Variants in GLDC observed in about 807,000 individuals in gnomAD.
GLDC encodes glycine decarboxylase, also known as glycine dehydrogenase (decarboxylating), mitochondrial.
A neutral mutation model predicts 121.3 loss-of-function variants in GLDC; 104 were observed. The observed-to-expected ratio is 0.86, with a 90% confidence interval of 0.73 to 1.01. The LOEUF is 1.01. Among genes scored for constraint, GLDC ranks in the 50% least tolerant of loss-of-function variants. The probability of loss-of-function intolerance (pLI) is 0.00; values close to 1 mark genes in which losing one functional copy is unlikely to be tolerated. For synonymous variants in GLDC, 546 were observed against 480.6 expected, an observed-to-expected ratio of 1.14 and a Z score of -1.78; for missense variants, 1,429 against 1,306.6, an observed-to-expected ratio of 1.09 and a Z score of -1.44.
At chr9:6,573,705 G>T (rs1391583665) in intron 15 of GLDC, among the ~76,000 whole-genome samples, 1 of 152,136 alleles carries the variant, frequency 6.6e-6, no homozygotes, top group Admixed American at 6.5e-5. Context: ...CAAAAACGAT[G>T]CAAGTGAAAC....
chr9:6,533,530 CTA>C (rs1817045354), intron 24 of GLDC, among the ~76,000 whole-genome samples: 1 of 151,864 alleles, frequency 6.6e-6, no homozygotes. Context: ...AATTTATTTG[CTA>C]TGTCATTTTC....
chr9:6,600,229 G>C (rs568888671), intron 8 of GLDC, among the ~76,000 whole-genome samples: 2 of 152,074 alleles, frequency 1.3e-5, no homozygotes, highest in East Asian at 1.9e-4. Context: ...TTAGCTGGGC[G>C]TGGTGGAATG....
intron 21 of GLDC, among the ~76,000 whole-genome samples, chr9:6,548,479 T>C (rs2129696459): frequency 6.6e-6 from 1 of 152,362 alleles, no homozygotes; most frequent in East Asian, 1.9e-4. Context: ...AACTGTGTTT[T>C]CTGCTCTCTG....
At chr9:6,622,626 C>T (rs1017197045) in intron 2 of GLDC, among the ~76,000 whole-genome samples, 2 of 152,180 alleles carry the variant, frequency 1.3e-5, no homozygotes, top group African/African-American at 4.8e-5. Context: ...CCTTGGCCTC[C>T]CAAAGTGCCG....
intron 21 of GLDC, among the ~76,000 whole-genome samples, chr9:6,544,931 C>T (rs1277997668): frequency 3.3e-5 from 5 of 152,024 alleles, no homozygotes; most frequent in Non-Finnish European, 5.9e-5. Flanking sequence ...GAAACACTGT[C>T]TCTACTAAAA....
intron 22 of GLDC, among the ~76,000 whole-genome samples, chr9:6,538,863 C>G (rs1227091387): frequency 1.3e-5 from 2 of 152,156 alleles, no homozygotes; most frequent in African/African-American, 2.4e-5. Flanking sequence ...TGTCAGGTTA[C>G]AAGAGTTGCC....
chr9:6,565,760 A>G, intron 15 of GLDC: 1 of 548,452 alleles, frequency 1.8e-6, no homozygotes, highest in Non-Finnish European at 3.2e-6. Context: ...TACAGTGAAG[A>G]ACAAAAGGAA....
At position 6,558,546 on chromosome 9, in the gene GLDC, A is replaced by G. The variant is rs750697458; in HGVS notation, c.2052+13T>C. 6 of 1,614,116 alleles carry G rather than the reference A, an allele frequency of 3.7e-6. No individual in the cohort carries two copies. The highest frequency in any genetic ancestry group is 4.2e-6 in the Non-Finnish European group (5 of 1,179,978). ...TCCCGGCCTCTCCCATCTGCTAAGG[A>G]GAAGACAAGTACCATGGCCTTGAGG... On this transcript the variant is annotated intron_variant, in intron 17 of 24. Coordinates refer to ENST00000321612, the MANE Select transcript of GLDC (RefSeq NM_000170.3).
intron 3 of GLDC, among the ~76,000 whole-genome samples, chr9:6,618,928 G>A (rs897708988): frequency 2.0e-5 from 3 of 152,014 alleles, no homozygotes; most frequent in East Asian, 2.0e-4. Context: ...TGGATCATGA[G>A]GTCAGGAGTT....
intron 21 of GLDC, among the ~76,000 whole-genome samples, chr9:6,549,714 A>G (rs902850380): frequency 4.0e-5 from 6 of 151,732 alleles, no homozygotes; most frequent in African/African-American, 1.5e-4. Flanking sequence ...TCCCCTGCCT[A>G]TTATTCCCTC....
intron 2 of GLDC, among the ~76,000 whole-genome samples, chr9:6,622,146 CCA>C (rs1172687199): frequency 8.5e-6 from 1 of 117,572 alleles, no homozygotes; most frequent in Middle Eastern, 3.6e-3. Flanking sequence ...TCACCCTCCA[CCA>C]CACACACACA....
chr9:6,566,169 T>C (rs934238619), intron 15 of GLDC, among the ~76,000 whole-genome samples: 2 of 152,192 alleles, frequency 1.3e-5, no homozygotes, highest in Admixed American at 1.3e-4. Context: ...CTGGAGTCTG[T>C]GAGGCGGAGA....
chr9:6,608,499 G>C (rs1454073944), intron 4 of GLDC, among the ~76,000 whole-genome samples: 1 of 150,500 alleles, frequency 6.6e-6, no homozygotes, highest in Non-Finnish European at 1.5e-5. Flanking sequence ...CCAGCAATTT[G>C]GGAGGCCGAG....
At position 6,588,406 on chromosome 9, in the gene GLDC, G is replaced by C. The variant is rs760181670; in HGVS notation, c.1702C>G (p.Leu568Val). 14 of 1,610,796 alleles carry C rather than the reference G, an allele frequency of 8.7e-6. No homozygotes were observed. Among genetic ancestry groups the C allele is most frequent in the African/African-American group, 1.3e-5 (1 of 74,970 alleles). Residue 568 changes from leucine (L) to valine (V), a missense_variant, in exon 14 of 25, where the codon CTC (leucine) becomes GTC (valine). Leu to Val is a conservative substitution (Grantham distance 32). Transcript: ENST00000321612. ...CTMKLNSSSE[L>V]APITWKEFAN... ...TACAGAAGTGAGCTACTTACTGCGAGTTCAGACGAACTGTTCAGTTTCATG... is the reference window on the plus strand; with the variant it reads ...TACAGAAGTGAGCTACTTACTGCGACTTCAGACGAACTGTTCAGTTTCATG...
chr9:6,540,383 A>G (rs1817229713), intron 21 of GLDC: 1 of 495,860 alleles, frequency 2.0e-6, no homozygotes, highest in Non-Finnish European at 3.7e-6. Flanking sequence ...CTCACTACAC[A>G]CCTGTGAACC....
chr9:6,642,415 C>CA (rs1819648261), intron 2 of GLDC, among the ~76,000 whole-genome samples: 1 of 152,068 alleles, frequency 6.6e-6, no homozygotes, highest in Non-Finnish European at 1.5e-5. Flanking sequence ...TCTGTAATCC[C>CA]AGCTACTCAG....
At chr9:6,571,729 T>C (rs920823139) in intron 15 of GLDC, among the ~76,000 whole-genome samples, 1 of 152,226 alleles carries the variant, frequency 6.6e-6, no homozygotes, top group Non-Finnish European at 1.5e-5. Context: ...TTAGGATGAA[T>C]TGCTTATTTC....
At chr9:6,557,858 C>T (rs974200020) in intron 17 of GLDC, 27 of 154,706 alleles carry the variant, frequency 1.7e-4, no homozygotes, top group African/African-American at 6.3e-4. Context: ...TGGCCTGGAA[C>T]ACTTGTTGGA....
chr9:6,578,427 T>C (rs1337431492), intron 15 of GLDC, among the ~76,000 whole-genome samples: 2 of 152,036 alleles, frequency 1.3e-5, no homozygotes, highest in Non-Finnish European at 2.9e-5. Flanking sequence ...CTTTCTTCTT[T>C]TTTAATGTAG....
Sources: gnomAD v4.1 joint callset for allele counts (sites outside exome capture counted in the v4.1 genomes callset) on GRCh38, gnomAD v4.1.1 for gene constraint, MANE v1.5 for transcripts, NCBI Gene and HGNC (gene_info 2026-07-23, HGNC 2026-07-21) for gene names.